Variants in ZNF385D observed in about 807,000 individuals in gnomAD.
ZNF385D encodes the protein zinc finger protein 659.
ZNF385D carries 15 observed loss-of-function variants against 35.8 expected under a neutral mutation model. The observed-to-expected ratio is 0.42, with a 90% CI of 0.28 to 0.64. ZNF385D has a LOEUF of 0.64. ZNF385D is among the 30% of genes least tolerant of loss of function. The pLI is 0.23. For missense variants in ZNF385D, 474 were observed against 494.6 expected (o/e 0.96, Z 0.39); for synonymous variants, 212 against 186.8 (o/e 1.13, Z -1.10).
intron 4 of ZNF385D, among the ~76,000 whole-genome samples, chr3:21,508,932 C>T (rs1186547317): frequency 6.6e-6 from 1 of 150,546 alleles, no homozygotes; most frequent in African/African-American, 2.4e-5. Context: ...TATCTAGTCA[C>T]AACCCATTTA....
intron 2 of ZNF385D, among the ~76,000 whole-genome samples, chr3:22,186,637 G>A (rs1466728895): frequency 1.3e-5 from 2 of 151,472 alleles, no homozygotes; most frequent in Non-Finnish European, 3.0e-5. Flanking sequence ...AATGAGCTGG[G>A]TCATAAGAAT....
intron 3 of ZNF385D, among the ~76,000 whole-genome samples, chr3:21,947,370 G>C (rs200143989): frequency 9.0e-6 from 1 of 111,370 alleles, no homozygotes; most frequent in Non-Finnish European, 1.8e-5. Context: ...TATTTATTTT[G>C]AGACAGAGTC....
chr3:21,764,933 T>C (rs2070763350), intron 3 of ZNF385D, among the ~76,000 whole-genome samples: 1 of 152,156 alleles, frequency 6.6e-6, no homozygotes, highest in Non-Finnish European at 1.5e-5. Flanking sequence ...GAATAATTTC[T>C]GTCACATTAT....
At position 22,192,957 on chromosome 3, in the gene ZNF385D, T is replaced by G. The variant is rs1455374909; in HGVS notation, c.107-23922A>C. On this transcript the variant is annotated intron_variant, in intron 2 of 5. Transcript: ENST00000494108. ...GAGTACCTTGACTAAGAAATAAAAC[T>G]GGGTTTTTGACAAAGGTCTATTTAA... Among the ~76,000 whole-genome samples the G allele has an allele frequency of 9.2e-5, 14 of 152,260 alleles. 1 individual carries two copies. Among genetic ancestry groups the G allele is most frequent in the Admixed American group, 9.2e-4 (14 of 15,264 alleles).
intron 3 of ZNF385D, among the ~76,000 whole-genome samples, chr3:22,018,456 T>A (rs1470547949): frequency 1.3e-5 from 2 of 152,102 alleles, no homozygotes; most frequent in Non-Finnish European, 1.5e-5. Flanking sequence ...AATATTGTCT[T>A]CAAAGCTTTC....
intron 4 of ZNF385D, among the ~76,000 whole-genome samples, chr3:21,470,496 A>C (rs1703815819): frequency 6.6e-6 from 1 of 152,232 alleles, no homozygotes; most frequent in Admixed American, 6.5e-5. Context: ...ATAGTTTCAT[A>C]GAAGTACTAT....
chr3:22,025,302 T>C (rs761023892), intron 3 of ZNF385D, among the ~76,000 whole-genome samples: 17 of 152,132 alleles, frequency 1.1e-4, no homozygotes, highest in Admixed American at 3.3e-4. Context: ...AAGATAATGT[T>C]GATTCTCCTT....
chr3:22,030,640 A>T (rs780356008), intron 3 of ZNF385D, among the ~76,000 whole-genome samples: 1 of 152,026 alleles, frequency 6.6e-6, no homozygotes, highest in Admixed American at 6.6e-5. Flanking sequence ...ACACATGAAG[A>T]TTACAATTTG....
intron 3 of ZNF385D, among the ~76,000 whole-genome samples, chr3:22,164,551 T>C (rs116703318): frequency 2.4e-3 from 359 of 151,196 alleles, no homozygotes; most frequent in Non-Finnish European, 4.0e-3. Context: ...TTAAAGGGAA[T>C]TGAGAAAGAA....
chr3:21,768,653 G>C (rs1323551781), intron 3 of ZNF385D, among the ~76,000 whole-genome samples: 3 of 151,904 alleles, frequency 2.0e-5, no homozygotes, highest in Admixed American at 6.6e-5. Flanking sequence ...AAAAGACTTT[G>C]TCTTCCAAAT....
intron 3 of ZNF385D, among the ~76,000 whole-genome samples, chr3:21,516,525 G>A (rs908084495): frequency 7.9e-5 from 12 of 152,118 alleles, no homozygotes; most frequent in South Asian, 4.2e-4. Flanking sequence ...CTGATCAATG[G>A]AGATGGCATG....
At chr3:22,043,016 G>A (rs962266945) in intron 3 of ZNF385D, among the ~76,000 whole-genome samples, 1 of 152,100 alleles carries the variant, frequency 6.6e-6, no homozygotes, top group African/African-American at 2.4e-5. Context: ...AAATGTTTCA[G>A]AGCTTAACAA....
At chr3:21,623,691 A>C (rs1267047382) in intron 2 of ZNF385D, among the ~76,000 whole-genome samples, 2 of 152,040 alleles carry the variant, frequency 1.3e-5, no homozygotes, top group Non-Finnish European at 2.9e-5. Flanking sequence ...AAAAAACCAC[A>C]ATGTCTTTGT....
intron 3 of ZNF385D, among the ~76,000 whole-genome samples, chr3:22,040,206 G>A (rs1698579195): frequency 6.6e-6 from 1 of 152,110 alleles, no homozygotes. Flanking sequence ...CTTTGTAAAT[G>A]CTTCCTTTAT....
At chr3:21,976,320 A>T (rs1703621880) in intron 3 of ZNF385D, among the ~76,000 whole-genome samples, 1 of 152,204 alleles carries the variant, frequency 6.6e-6, no homozygotes, top group Non-Finnish European at 1.5e-5. Context: ...TGACACAAAT[A>T]CTACAGTAAT....
chr3:22,150,323 T>A (rs1414043239), intron 3 of ZNF385D, among the ~76,000 whole-genome samples: 2 of 152,168 alleles, frequency 1.3e-5, no homozygotes, highest in Non-Finnish European at 1.5e-5. Flanking sequence ...ATGTATGTAT[T>A]TATAAAACAT....
intron 3 of ZNF385D, among the ~76,000 whole-genome samples, chr3:21,914,072 T>C (rs1575901021): frequency 6.6e-6 from 1 of 152,094 alleles, no homozygotes; most frequent in East Asian, 1.9e-4. Flanking sequence ...TGGGAAATTG[T>C]GCTTTGTCCA....
chr3:22,027,950 G>C (rs1291575255), intron 3 of ZNF385D, among the ~76,000 whole-genome samples: 1 of 152,130 alleles, frequency 6.6e-6, no homozygotes, highest in South Asian at 2.1e-4. Flanking sequence ...CCCCTTTCTA[G>C]GACATCCCTG....
intron 2 of ZNF385D, among the ~76,000 whole-genome samples, chr3:22,364,497 G>A (rs1472527249): frequency 1.3e-5 from 2 of 152,026 alleles, no homozygotes; most frequent in Non-Finnish European, 2.9e-5. Flanking sequence ...CACATGAAAA[G>A]AGACTCAACA....
Sources: allele counts gnomAD v4.1 joint callset (sites outside exome capture counted in the v4.1 genomes callset), GRCh38; gene constraint gnomAD v4.1.1; transcripts MANE v1.5; gene names NCBI Gene and HGNC (gene_info 2026-07-23, HGNC 2026-07-21).